FMN2: variants seen among roughly 807,000 people sequenced by gnomAD.
FMN2 encodes formin 2, also known as formin-2.
In FMN2, 51 loss-of-function variants were observed where a neutral mutation model predicts 142.3. That is an observed-to-expected ratio of 0.36 (90% CI 0.29 to 0.45). FMN2 has a LOEUF of 0.45. Among genes scored for constraint, FMN2 ranks in the 20% least tolerant of loss-of-function variants. The pLI, the probability that FMN2 is intolerant of heterozygous loss-of-function variation, is 1.00. For synonymous variants in FMN2, 882 were observed against 869.8 expected, an observed-to-expected ratio of 1.01 and a Z score of -0.25; for missense variants, 1,936 against 2,122.8, an observed-to-expected ratio of 0.91 and a Z score of 1.73.
At chr1:240,337,524 G>C (rs767536708) in intron 13 of FMN2, among the ~76,000 whole-genome samples, 16 of 152,148 alleles carry the variant, frequency 1.1e-4, no homozygotes, top group Non-Finnish European at 1.6e-4. Context: ...TTGTTTCCCA[G>C]AGGCAAGTTG....
chr1:240,470,010 A>G (rs773171014), intron 16 of FMN2, among the ~76,000 whole-genome samples: 2 of 152,222 alleles, frequency 1.3e-5, no homozygotes, highest in Non-Finnish European at 2.9e-5. Context: ...AAAATTAAAA[A>G]TGTTTGTATT....
chr1:240,254,251 C>T (rs116385514), intron 6 of FMN2, among the ~76,000 whole-genome samples: 1,880 of 152,090 alleles, frequency 0.012, 44 homozygotes, highest in African/African-American at 0.043. Context: ...CTATGACAGG[C>T]CACGCGGGGC....
intron 13 of FMN2, among the ~76,000 whole-genome samples, chr1:240,352,845 C>T (rs1362819256): frequency 6.6e-6 from 1 of 152,132 alleles, no homozygotes; most frequent in Non-Finnish European, 1.5e-5. Context: ...GTGAGGCTGT[C>T]GTAAATGATA....
chr1:240,403,814 A>G (rs1250856043), intron 15 of FMN2, among the ~76,000 whole-genome samples: 5 of 152,202 alleles, frequency 3.3e-5, no homozygotes, highest in African/African-American at 1.2e-4. Context: ...AAATGTACTC[A>G]ATGGATCTCA....
chr1:240,410,744 C>G (rs778577949), intron 15 of FMN2, among the ~76,000 whole-genome samples: 1 of 152,106 alleles, frequency 6.6e-6, no homozygotes, highest in Admixed American at 6.5e-5. Context: ...TTATTGTTAT[C>G]GTCGTGTTTT....
Position 240,232,456 on chromosome 1 carries a change from A to T in FMN2, c.4065+21221A>T, listed in dbSNP as rs114836771. On this transcript the variant is annotated intron_variant, in intron 6 of 17. Transcript: ENST00000319653. ...AAACCTACTTAAAAATATCTTTTTC[A>T]TACACGTATACTTTAACAAATCCAG... 1.5e-3 allele frequency among the ~76,000 whole-genome samples: 228 copies of T among 152,178 alleles called. 1 individual carries two copies. Among genetic ancestry groups the T allele is most frequent in the African/African-American group, 5.3e-3 (218 of 41,508 alleles).
intron 1 of FMN2, among the ~76,000 whole-genome samples, chr1:240,098,594 G>A (rs1661304585): frequency 6.6e-6 from 1 of 152,198 alleles, no homozygotes; most frequent in South Asian, 2.1e-4. Flanking sequence ...TAAAAGGAAA[G>A]GGGTTTATAT....
chr1:240,334,345 G>C, intron 13 of FMN2, 116 bp downstream of exon 13: 7 of 1,196,930 alleles, frequency 5.8e-6, no homozygotes, highest in Non-Finnish European at 7.8e-6. Flanking sequence ...AACTAAATTT[G>C]TGTGTGTGTG....
At chr1:240,183,844 G>T (rs920873909) in intron 3 of FMN2, among the ~76,000 whole-genome samples, 2 of 152,096 alleles carry the variant, frequency 1.3e-5, no homozygotes, top group East Asian at 1.9e-4. Flanking sequence ...GAAGTTTAAT[G>T]AATTCTGTTT....
chr1:240,137,794 TAAC>T (rs756615375), intron 2 of FMN2, among the ~76,000 whole-genome samples: 55 of 151,990 alleles, frequency 3.6e-4, no homozygotes, highest in Non-Finnish European at 7.6e-4. Flanking sequence ...AGAGGCGTCT[TAAC>T]AAATGGTACT....
Position 240,258,025 on chromosome 1 carries a change from A to T in FMN2, c.4146A>T (p.Ile1382=), listed in dbSNP as rs1374721006. 2 of 1,609,128 alleles carry T rather than the reference A, an allele frequency of 1.2e-6. No individual in the cohort carries two copies. Among genetic ancestry groups the T allele is most frequent in the Non-Finnish European group, 1.7e-6 (2 of 1,177,850 alleles). The change falls in exon 7 of 18, where the codon ATA becomes ATT. Residue 1382 remains isoleucine, a synonymous_variant. Coordinates refer to ENST00000319653, the MANE Select transcript of FMN2 (RefSeq NM_020066.5). ...GCCTTCATTTAGATATGAAAGACAT[A>T]CAACATGGTAAGTGTCAAAATGAAA... ...MSSLHLDMKD[I]QHAVVNLDNS...
chr1:240,344,558 A>G (rs531797605), intron 13 of FMN2, among the ~76,000 whole-genome samples: 3 of 152,286 alleles, frequency 2.0e-5, no homozygotes, highest in South Asian at 4.1e-4. Flanking sequence ...TTTTTAAACT[A>G]TTAGTCTCAA....
intron 7 of FMN2, among the ~76,000 whole-genome samples, chr1:240,268,840 G>A (rs1010020679): frequency 1.3e-5 from 2 of 151,924 alleles, no homozygotes; most frequent in Non-Finnish European, 2.9e-5. Context: ...CCATTTGTAT[G>A]TCTTCTTCTG....
chr1:240,120,479 T>A (rs1662190922), intron 1 of FMN2, among the ~76,000 whole-genome samples: 1 of 152,198 alleles, frequency 6.6e-6, no homozygotes, highest in Non-Finnish European at 1.5e-5. Flanking sequence ...TATGAATGAA[T>A]CTATCACAGA....
At chr1:240,155,664 A>G (rs951757535) in intron 2 of FMN2, among the ~76,000 whole-genome samples, 1 of 152,210 alleles carries the variant, frequency 6.6e-6, no homozygotes, top group Non-Finnish European at 1.5e-5. Flanking sequence ...TGAGATGGAA[A>G]TAATTCATTT....
chr1:240,153,908 G>T (rs574086639), intron 2 of FMN2, among the ~76,000 whole-genome samples: 1 of 151,996 alleles, frequency 6.6e-6, no homozygotes, highest in African/African-American at 2.4e-5. Flanking sequence ...CTGAGTTCAG[G>T]GGTTCGAGAC....
At chr1:240,384,695 G>A (rs955351919) in intron 14 of FMN2, among the ~76,000 whole-genome samples, 6 of 151,988 alleles carry the variant, frequency 3.9e-5, no homozygotes, top group Admixed American at 2.0e-4. Flanking sequence ...TAACTAATTT[G>A]CCAGTGTTAA....
intron 4 of FMN2, among the ~76,000 whole-genome samples, chr1:240,202,820 A>G (rs977331505): frequency 2.0e-5 from 3 of 152,136 alleles, no homozygotes; most frequent in Non-Finnish European, 4.4e-5. Context: ...CTTTAATTTT[A>G]TGCTATTTTC....
chr1:240,280,899 A>G (rs1164430003), intron 7 of FMN2, among the ~76,000 whole-genome samples: 1 of 152,196 alleles, frequency 6.6e-6, no homozygotes, highest in African/African-American at 2.4e-5. Flanking sequence ...CTCCAAAAAC[A>G]GAAATGAAAT....
Sources: allele counts gnomAD v4.1 joint callset (sites outside exome capture counted in the v4.1 genomes callset), GRCh38; gene constraint gnomAD v4.1.1; transcripts MANE v1.5; gene names NCBI Gene and HGNC (gene_info 2026-07-23, HGNC 2026-07-21).